The following HECW2 variants were observed in gnomAD, a reference collection of about 807,000 sequenced individuals.
The protein encoded by HECW2 is HECT, C2 and WW domain containing E3 ubiquitin protein ligase 2.
Under a neutral mutation model 175.2 loss-of-function variants are expected in HECW2, and 61 were observed. That is an observed-to-expected ratio of 0.35 (90% confidence interval 0.28 to 0.43). The LOEUF (loss-of-function observed/expected upper bound fraction) is 0.43. Ranked by LOEUF, HECW2 falls within the 20% of genes least tolerant of loss-of-function variation. The pLI is 1.00. For missense variants in HECW2, 1,524 were observed against 2,000.5 expected (o/e 0.76, Z 4.54); for synonymous variants, 671 against 731.0 (o/e 0.92, Z 1.32).
At chr2:196,410,594 T>C (rs1344578066) in intron 2 of HECW2, among the ~76,000 whole-genome samples, 1 of 152,112 alleles carries the variant, frequency 6.6e-6, no homozygotes, top group African/African-American at 2.4e-5. Context: ...GAATATAGGA[T>C]CCATGAAGTC....
intron 2 of HECW2, among the ~76,000 whole-genome samples, chr2:196,432,465 T>A (rs760979675): frequency 6.6e-6 from 1 of 152,262 alleles, no homozygotes; most frequent in Non-Finnish European, 1.5e-5. Flanking sequence ...GTGGCAGACA[T>A]CGTACTTTTT....
chr2:196,278,866 G>A (rs1690078532), intron 14 of HECW2, among the ~76,000 whole-genome samples: 1 of 152,060 alleles, frequency 6.6e-6, no homozygotes, highest in Admixed American at 6.5e-5. Flanking sequence ...GATCCAGAAC[G>A]AAGAGAGCAG....
Position 196,210,393 on chromosome 2 carries a change from T to A in HECW2, c.4607+5472A>T, listed in dbSNP as rs79512269. Among the ~76,000 whole-genome samples, 952 of 152,146 alleles carry A rather than the reference T, an allele frequency of 6.3e-3. 13 individuals carry two copies. The highest frequency in any genetic ancestry group is 0.022 in the African/African-American group (894 of 41,492). On this transcript the variant is annotated intron_variant, in intron 28 of 28. Transcript: ENST00000644978. ...ACTTTTTTTTCCTTCAGAAATGGTA[T>A]CTCTCTATGTTGCTCAGGTTTGACT...
chr2:196,367,717 C>T (rs1693783504), intron 2 of HECW2, among the ~76,000 whole-genome samples: 1 of 152,016 alleles, frequency 6.6e-6, no homozygotes, highest in Non-Finnish European at 1.5e-5. Flanking sequence ...ATGTTTAGTT[C>T]CCACAAGTAA....
chr2:196,206,438 A>AG, intron 28 of HECW2, among the ~76,000 whole-genome samples: 1 of 152,380 alleles, frequency 6.6e-6, no homozygotes, highest in East Asian at 1.9e-4. Flanking sequence ...CAAGTCAATT[A>AG]GATAAATCCA....
intron 1 of HECW2, among the ~76,000 whole-genome samples, chr2:196,435,276 A>G (rs1191581279): frequency 6.6e-6 from 1 of 152,224 alleles, no homozygotes; most frequent in Non-Finnish European, 1.5e-5. Flanking sequence ...AAGAATCCAT[A>G]ATTATTAGAA....
chr2:196,269,956 A>G (rs1689666039), intron 17 of HECW2, among the ~76,000 whole-genome samples: 1 of 152,216 alleles, frequency 6.6e-6, no homozygotes, highest in Admixed American at 6.5e-5. Flanking sequence ...ATAAATTCTG[A>G]GAAGGGAGAG....
At chr2:196,244,431 T>C (rs1232544225) in intron 19 of HECW2, among the ~76,000 whole-genome samples, 1 of 152,198 alleles carries the variant, frequency 6.6e-6, no homozygotes, top group African/African-American at 2.4e-5. Flanking sequence ...TTGAAAATTA[T>C]TTGGGAAATC....
At chr2:196,403,305 T>C (rs1694872886) in intron 2 of HECW2, among the ~76,000 whole-genome samples, 1 of 152,182 alleles carries the variant, frequency 6.6e-6, no homozygotes. Context: ...ATTTAACAGA[T>C]ACATGTTCAG....
intron 28 of HECW2, among the ~76,000 whole-genome samples, chr2:196,212,197 A>AT (rs56246710): frequency 0.98 from 147,975 of 150,852 alleles, 72,633 homozygotes; most frequent in East Asian, 1. Flanking sequence ...GTGCAATGTA[A>AT]TTTTTTTTTT....
At chr2:196,578,461 C>CAT (rs1690639724) in intron 1 of HECW2, among the ~76,000 whole-genome samples, 1 of 152,080 alleles carries the variant, frequency 6.6e-6, no homozygotes, top group South Asian at 2.1e-4. Context: ...GATTAGTGGC[C>CAT]ATACATTTCT....
chr2:196,504,771 G>A (rs1267148756), intron 1 of HECW2, among the ~76,000 whole-genome samples: 1 of 152,082 alleles, frequency 6.6e-6, no homozygotes. Context: ...CAATATTAGG[G>A]GAGGAGTTTT....
intron 1 of HECW2, among the ~76,000 whole-genome samples, chr2:196,512,197 C>T (rs1024427624): frequency 4.6e-5 from 7 of 152,148 alleles, no homozygotes; most frequent in Admixed American, 3.3e-4. Context: ...GCAGGACCCA[C>T]GGGGCCAAAC....
chr2:196,563,172 A>G (rs1352301296), intron 1 of HECW2, among the ~76,000 whole-genome samples: 2 of 151,572 alleles, frequency 1.3e-5, no homozygotes, highest in Non-Finnish European at 3.0e-5. Flanking sequence ...CCATCAAACA[A>G]TTGATGATAG....
intron 2 of HECW2, among the ~76,000 whole-genome samples, chr2:196,422,358 A>G (rs951556665): frequency 2.6e-5 from 4 of 152,298 alleles, no homozygotes; most frequent in East Asian, 3.9e-4. Context: ...ATGAGCTCTG[A>G]GCCGAAGTGA....
chr2:196,436,015 G>A (rs1000382910), intron 1 of HECW2, among the ~76,000 whole-genome samples: 4 of 152,050 alleles, frequency 2.6e-5, no homozygotes, highest in East Asian at 1.9e-4. Flanking sequence ...AAAGCATAGC[G>A]CCTAACAGAA....
chr2:196,216,994 T>C lies in HECW2; in HGVS notation c.4494+14A>G, dbSNP rs1475795796. The C allele has an allele frequency of 2.7e-6, 4 of 1,476,142 alleles. No homozygotes were observed. Among genetic ancestry groups the C allele is most frequent in the Non-Finnish European group, 3.6e-6 (4 of 1,110,184 alleles). 91.4% of individuals were successfully genotyped at this position (1,476,142 alleles called of 1,614,324 possible). ...ATATTGATACATTTAAAAGATTAAATAATGGCATCTCACCTGTAACAACCT... is the reference window on the plus strand; with the variant it reads ...ATATTGATACATTTAAAAGATTAAACAATGGCATCTCACCTGTAACAACCT... On this transcript the variant is annotated intron_variant, in intron 27 of 28. Coordinates refer to ENST00000644978, the MANE Select transcript of HECW2 (RefSeq NM_001348768.2).
intron 1 of HECW2, among the ~76,000 whole-genome samples, chr2:196,536,310 A>C (rs1004081975): frequency 5.3e-5 from 8 of 152,164 alleles, no homozygotes; most frequent in African/African-American, 1.4e-4. Flanking sequence ...ACCTAGGTGC[A>C]TGGTTTGCCA....
intron 23 of HECW2, among the ~76,000 whole-genome samples, chr2:196,222,793 C>T (rs1409179643): frequency 6.6e-6 from 1 of 151,874 alleles, no homozygotes; most frequent in Non-Finnish European, 1.5e-5. Context: ...AATTGAAAGA[C>T]ATGATTTTTA....
Sources: gnomAD v4.1 joint callset for allele counts (sites outside exome capture counted in the v4.1 genomes callset) on GRCh38, gnomAD v4.1.1 for gene constraint, MANE v1.5 for transcripts, NCBI Gene and HGNC (gene_info 2026-07-23, HGNC 2026-07-21) for gene names.